The following USP43 variants were observed in gnomAD, a reference collection of about 807,000 sequenced individuals.
USP43 encodes the protein ubiquitin specific peptidase 43.
Under a neutral mutation model 90.7 loss-of-function variants are expected in USP43, and 33 were observed. That is an observed-to-expected ratio of 0.36 (90% CI 0.28 to 0.49). The LOEUF (loss-of-function observed/expected upper bound fraction) is 0.49, where lower values mean the gene tolerates loss of function less well. Among genes scored for constraint, USP43 ranks in the 20% least tolerant of loss-of-function variants. USP43 has a pLI of 0.98. For missense variants in USP43, 1,274 were observed against 1,476.4 expected, an observed-to-expected ratio of 0.86 and a Z score of 2.25; for synonymous variants, 598 against 615.8, an observed-to-expected ratio of 0.97 and a Z score of 0.43.
chr17:9,664,078 G>A (rs1567650920), intron 2 of USP43, among the ~76,000 whole-genome samples: 1 of 152,010 alleles, frequency 6.6e-6, no homozygotes, highest in African/African-American at 2.4e-5. Context: ...AGGGAAACTG[G>A]GTGTCATAAA....
chr17:9,682,301 C>T (rs1914339224), intron 6 of USP43, among the ~76,000 whole-genome samples: 1 of 152,202 alleles, frequency 6.6e-6, no homozygotes, highest in South Asian at 2.1e-4. Context: ...GGTGCAGTGG[C>T]TCACGCCTGA....
rs1467995893 is a variant in USP43, at chr17:9,645,998, C to T, written c.366C>T (p.Thr122=). 1.1e-5 allele frequency: 17 copies of T among 1,485,222 alleles called. No homozygotes were observed. Among genetic ancestry groups the T allele is most frequent in the Non-Finnish European group, 1.4e-5 (16 of 1,119,454 alleles). The allele number at this position is 1,485,222 out of a possible 1,614,324, so 92.0% of individuals were successfully genotyped here. The stretch of plus-strand genomic sequence containing the variant: ...CGGTGGTGCAGTGTCTCAGCAACAC[C>T]GACCTGCTGGCCGAGTTCCTGGCGC... ...MNAVVQCLSN[T]DLLAEFLALG... Residue 122 remains threonine (T), a synonymous_variant, in exon 1 of 15, where the codon ACC becomes ACT. Transcript: ENST00000285199. The surrounding 1 kb of genome is among the most constrained non-coding windows in gnomAD (Gnocchi z 6.8).
At chr17:9,646,521 G>A (rs1726997003) in intron 1 of USP43, among the ~76,000 whole-genome samples, 2 of 152,192 alleles carry the variant, frequency 1.3e-5, no homozygotes, top group Admixed American at 1.3e-4. Flanking sequence ...GGCCTCAGAG[G>A]AAGGAGGTGA....
chr17:9,687,320 T>C (rs1335272426), intron 8 of USP43, among the ~76,000 whole-genome samples: 1 of 152,172 alleles, frequency 6.6e-6, no homozygotes, highest in Non-Finnish European at 1.5e-5. Flanking sequence ...TTATAATAAA[T>C]TGTAACTTTT....
intron 2 of USP43, among the ~76,000 whole-genome samples, chr17:9,660,191 C>G (rs905609423): frequency 2.0e-5 from 3 of 152,108 alleles, no homozygotes; most frequent in Non-Finnish European, 2.9e-5. Context: ...TGCTGTGTTG[C>G]CCAGGTTGGA....
In USP43 at chr17:9,656,542, ACT is replaced by A; in HGVS notation, c.636+12_636+13del. On this transcript the variant is annotated intron_variant, in intron 2 of 14. Transcript: ENST00000285199. The stretch of plus-strand genomic sequence containing the variant: ...GGGCCGGTGTCGGAGAAGGTCGGTC[ACT>A]CTCAAAACAACACAATGTACTGGGT... The A allele has an allele frequency of 1.9e-6, 3 of 1,608,430 alleles. No individual in the cohort carries two copies. In the South Asian group the frequency reaches 3.3e-5, roughly 18 times the overall value.
intron 1 of USP43, among the ~76,000 whole-genome samples, chr17:9,656,090 G>A (rs1391156240): frequency 6.6e-6 from 1 of 152,104 alleles, no homozygotes; most frequent in Non-Finnish European, 1.5e-5. Context: ...GCTTCGGTGG[G>A]TCAGATGGTC....
intron 14 of USP43, among the ~76,000 whole-genome samples, chr17:9,712,809 GTTTGTTA>G: frequency 7.2e-6 from 1 of 137,944 alleles, no homozygotes; most frequent in Admixed American, 7.2e-5. Flanking sequence ...TTGTTTGTTT[GTTTGTTA>G]ATGCTTCTGC....
chr17:9,680,274 T>C lies in USP43; in HGVS notation c.1013T>C (p.Phe338Ser). ...ELYPSGFQRS[F>S]FDEEDLNTIA... Reference sequence around the variant, plus strand: ...TATCCCAGTGGATTCCAGCGGTCTTTCTTTGATGAAGAGGACCTGAATACC... The same window carrying C: ...TATCCCAGTGGATTCCAGCGGTCTTCCTTTGATGAAGAGGACCTGAATACC... Residue 338 changes from phenylalanine to serine, a missense_variant, in exon 6 of 15, where the codon TTC becomes TCC. This residue lies in a region of USP43 where 259 missense variants were observed against 373.7 expected (regional missense o/e 0.69). Coordinates refer to ENST00000285199, the MANE Select transcript of USP43 (RefSeq NM_153210.5). The C allele has an allele frequency of 1.2e-6, 2 of 1,613,946 alleles. No individual in the cohort carries two copies. The highest frequency in any genetic ancestry group is 1.7e-6 in the Non-Finnish European group (2 of 1,179,858).
intron 8 of USP43, among the ~76,000 whole-genome samples, chr17:9,687,875 C>T (rs1914682980): frequency 6.6e-6 from 1 of 152,200 alleles, no homozygotes; most frequent in African/African-American, 2.4e-5. Flanking sequence ...CACCAAAGTG[C>T]CCAAATTAGA....
intron 3 of USP43, among the ~76,000 whole-genome samples, chr17:9,671,017 AT>A (rs1913383811): frequency 6.6e-6 from 1 of 152,120 alleles, no homozygotes; most frequent in Non-Finnish European, 1.5e-5. Context: ...CTGGGATGGC[AT>A]CAGCCTTCTT....
chr17:9,648,989 C>A (rs1160524756), intron 1 of USP43, among the ~76,000 whole-genome samples: 1 of 149,776 alleles, frequency 6.7e-6, no homozygotes, highest in Non-Finnish European at 1.5e-5. Flanking sequence ...TCCTTCCTTC[C>A]TTTCCCTCTC....
chr17:9,694,708 C>T (rs147402140), intron 9 of USP43, among the ~76,000 whole-genome samples: 7 of 152,234 alleles, frequency 4.6e-5, no homozygotes, highest in Non-Finnish European at 5.9e-5. Flanking sequence ...CTGCACCCTC[C>T]GCCTTTCTGG....
chr17:9,717,360 AGTGTGTGTGT>A lies in USP43; in HGVS notation c.2335+5251_2335+5260del, dbSNP rs56058514. 6.2e-5 allele frequency among the ~76,000 whole-genome samples: 9 copies of A among 145,568 alleles called. No individual in the cohort carries two copies. In the South Asian group the frequency reaches 6.6e-4, roughly 11 times the overall value. On this transcript the variant is annotated intron_variant, in intron 14 of 14. Coordinates refer to ENST00000285199, the MANE Select transcript of USP43 (RefSeq NM_153210.5). The stretch of plus-strand genomic sequence containing the variant: ...CTTAGGAGTGGAATTGCTTGGGCAC[AGTGTGTGTGT>A]GTGTGTGTGTGTGTGTGTGTGTATT...
At chr17:9,718,031 C>T (rs2653441) in intron 14 of USP43, among the ~76,000 whole-genome samples, 3,906 of 152,028 alleles carry the variant, frequency 0.026, 167 homozygotes, top group African/African-American at 0.089. Flanking sequence ...CTCTTCATCT[C>T]GTGATCTGCC....
At chr17:9,663,772 T>C (rs1001305858) in intron 2 of USP43, among the ~76,000 whole-genome samples, 5 of 151,926 alleles carry the variant, frequency 3.3e-5, no homozygotes, top group Non-Finnish European at 7.4e-5. Context: ...TACAGGTGCC[T>C]GCCATCACGC....
At chr17:9,697,510 A>G (rs1284177813) in intron 9 of USP43, among the ~76,000 whole-genome samples, 1 of 152,046 alleles carries the variant, frequency 6.6e-6, no homozygotes, top group Admixed American at 6.6e-5. Context: ...GCAGTGCTCA[A>G]TATCTATTGT....
At chr17:9,681,462 T>TTTTATATATATATATA (rs1491455898) in intron 6 of USP43, among the ~76,000 whole-genome samples, 4 of 18,576 alleles carry the variant, frequency 2.2e-4, no homozygotes, top group South Asian at 1.5e-3. Flanking sequence ...ATAAAATATA[T>TTTTATATATATATATA]TATATATATA....
At chr17:9,692,268 A>G (rs1028596141) in intron 8 of USP43, among the ~76,000 whole-genome samples, 1 of 151,906 alleles carries the variant, frequency 6.6e-6, no homozygotes, top group African/African-American at 2.4e-5. Flanking sequence ...CTGAGGCAGG[A>G]GAATCACCTG....
Sources: allele counts gnomAD v4.1 joint callset (sites outside exome capture counted in the v4.1 genomes callset), GRCh38; gene constraint gnomAD v4.1.1; regional missense constraint gnomAD v4.1.1; non-coding constraint Gnocchi (gnomAD v3.1); transcripts MANE v1.5; gene names NCBI Gene and HGNC (gene_info 2026-07-23, HGNC 2026-07-21).